The following STK3 variants were observed in gnomAD, a reference collection of about 807,000 sequenced individuals.
The protein encoded by STK3 is serine/threonine kinase 3.
Under a neutral mutation model 58.0 loss-of-function variants are expected in STK3, and 41 were observed. The observed-to-expected ratio is 0.71, with a 90% CI of 0.55 to 0.92. The LOEUF (loss-of-function observed/expected upper bound fraction) is 0.92. STK3 is among the 40% of genes least tolerant of loss of function. The probability of loss-of-function intolerance (pLI) is 0.00; values close to 1 mark genes in which losing one functional copy is unlikely to be tolerated. For synonymous variants in STK3, 170 were observed against 191.0 expected, an observed-to-expected ratio of 0.89 and a Z score of 0.91; for missense variants, 479 against 602.7, an observed-to-expected ratio of 0.79 and a Z score of 2.15.
At chr8:98,678,330 T>C (rs1488042794) in intron 6 of STK3, among the ~76,000 whole-genome samples, 1 of 152,114 alleles carries the variant, frequency 6.6e-6, no homozygotes, top group Non-Finnish European at 1.5e-5. Flanking sequence ...CCATAGAGAA[T>C]TGATATGCTA....
intron 3 of STK3, among the ~76,000 whole-genome samples, chr8:98,751,835 G>A (rs1020910469): frequency 1.4e-4 from 22 of 152,140 alleles, no homozygotes; most frequent in Admixed American, 4.6e-4. Flanking sequence ...AGTTACTTAG[G>A]AGGGTGAGGC....
rs537352805 is a variant in STK3 at position 98,873,982 on chromosome 8, G to A, written c.110+9665C>T. Among the ~76,000 whole-genome samples, 16 of 152,230 alleles carry A rather than the reference G, an allele frequency of 1.1e-4. 1 individual carries two copies. Among genetic ancestry groups the A allele is most frequent in the Admixed American group, 9.8e-4 (15 of 15,268 alleles). The stretch of plus-strand genomic sequence containing the variant: ...GCTTGTTTTTGCAGTGGCTAGTACC[G>A]GTTTTTCCTTTCCATGTTTAGTGCT... On this transcript the variant is annotated intron_variant, in intron 3 of 12. Coordinates refer to the STK3 transcript ENST00000523601.
At chr8:98,543,537 G>A (rs546783306) in intron 9 of STK3, among the ~76,000 whole-genome samples, 1 of 152,298 alleles carries the variant, frequency 6.6e-6, no homozygotes, top group African/African-American at 2.4e-5. Flanking sequence ...CATGAAGGGT[G>A]AAGGAAGAAA....
At chr8:98,358,396 G>C in the STK3 span, among the ~76,000 whole-genome samples, 1 of 152,140 alleles carries the variant, frequency 6.6e-6, no homozygotes, top group Non-Finnish European at 1.5e-5. Context: ...TCCAAAAAAA[G>C]ACACCACAGA....
At chr8:98,693,135 A>T (rs1388868525) in intron 6 of STK3, among the ~76,000 whole-genome samples, 1 of 152,134 alleles carries the variant, frequency 6.6e-6, no homozygotes, top group Non-Finnish European at 1.5e-5. Context: ...AGTGGCTCAC[A>T]CCTGTAATCC....
chr8:98,416,581 G>C (rs1379622749), intron 3 of STK3, among the ~76,000 whole-genome samples: 1 of 152,156 alleles, frequency 6.6e-6, no homozygotes, highest in African/African-American at 2.4e-5. Context: ...CAGGAGAGGA[G>C]GTGCTTCCAG....
At chr8:98,826,139 G>T (rs1835291428), upstream of STK3, among the ~76,000 whole-genome samples, 1 of 152,174 alleles carries the variant, frequency 6.6e-6, no homozygotes, top group Non-Finnish European at 1.5e-5. Context: ...CCAGAGCTCC[G>T]CCCCTAGCCT....
intron 1 of STK3, among the ~76,000 whole-genome samples, chr8:98,383,465 C>T (rs1222859464): frequency 1.3e-5 from 2 of 152,226 alleles, no homozygotes; most frequent in African/African-American, 4.8e-5. Flanking sequence ...GGAGCAGCTG[C>T]TCCAACCTTC....
chr8:98,654,351 T>C (rs1249949671), intron 6 of STK3, among the ~76,000 whole-genome samples: 1 of 152,106 alleles, frequency 6.6e-6, no homozygotes, highest in African/African-American at 2.4e-5. Context: ...ATAAGAGCTA[T>C]CTATGACAAA....
rs182826694 is a variant in STK3, at chr8:98,924,165, C to G, written c.-79+18213G>C. ...CTGAAAATTTTGTGGAGGCTGTTCC[C>G]CGTCCTTGGCAGGCCTCTGCCTTCT... On this transcript the variant is annotated intron_variant, in intron 1 of 1. Transcript: ENST00000519420. Among the ~76,000 whole-genome samples the G allele has an allele frequency of 4.0e-4, 61 of 152,298 alleles. 1 individual carries two copies. The highest frequency in any genetic ancestry group is 1.4e-3 in the African/African-American group (58 of 41,560).
intron 6 of STK3, among the ~76,000 whole-genome samples, chr8:98,689,749 C>A (rs1195282979): frequency 6.6e-6 from 1 of 152,040 alleles, no homozygotes; most frequent in Admixed American, 6.6e-5. Context: ...CACCACTGCA[C>A]CCCAGCCTGG....
chr8:98,461,758 T>C (rs1819995035), intron 10 of STK3, among the ~76,000 whole-genome samples: 1 of 152,194 alleles, frequency 6.6e-6, no homozygotes, highest in Non-Finnish European at 1.5e-5. Flanking sequence ...TTTTGCTGGA[T>C]ACAAAATTCT....
At chr8:98,536,397 A>C (rs1809766892) in intron 9 of STK3, among the ~76,000 whole-genome samples, 1 of 152,040 alleles carries the variant, frequency 6.6e-6, no homozygotes, top group Admixed American at 6.6e-5. Context: ...AAGCTGCAAT[A>C]AGCTATGGGC....
chr8:98,828,881 G>A (rs145964044), upstream of STK3, among the ~76,000 whole-genome samples: 1,313 of 152,358 alleles, frequency 8.6e-3, 12 homozygotes, highest in African/African-American at 0.03. Context: ...ACTATGAGTT[G>A]ATTGAAAGTT....
chr8:98,803,237 A>T (rs1237525742), intron 1 of STK3, among the ~76,000 whole-genome samples: 1 of 152,160 alleles, frequency 6.6e-6, no homozygotes, highest in Admixed American at 6.5e-5. Context: ...CATCTTATAC[A>T]CTGAAAAAAG....
chr8:98,924,019 A>T (rs1014583437), intron 1 of STK3, among the ~76,000 whole-genome samples: 1 of 152,178 alleles, frequency 6.6e-6, no homozygotes, highest in Non-Finnish European at 1.5e-5. Context: ...ATAGCACTAA[A>T]ACCAGTCATT....
chr8:98,914,725 G>A lies in STK3; in HGVS notation c.-79+27653C>T, dbSNP rs1017224703. Among the ~76,000 whole-genome samples, 6 of 152,292 alleles carry A rather than the reference G, an allele frequency of 3.9e-5. No homozygotes were observed. In the East Asian group the frequency reaches 9.6e-4, roughly 24 times the overall value. ...GGTGGAGCCAGCCCCACATGCTTGGGGGCATGTAAGAGCTAAACGTGCTGA... is the reference window on the plus strand; with the variant it reads ...GGTGGAGCCAGCCCCACATGCTTGGAGGCATGTAAGAGCTAAACGTGCTGA... On this transcript the variant is annotated intron_variant, in intron 1 of 1. Coordinates refer to the STK3 transcript ENST00000519420.
intron 10 of STK3, among the ~76,000 whole-genome samples, chr8:98,511,367 T>A (rs1268398596): frequency 1.3e-5 from 2 of 152,016 alleles, no homozygotes; most frequent in East Asian, 1.9e-4. Flanking sequence ...ATAATTTGCA[T>A]CTATTAAGGA....
chr8:98,745,730 A>G (rs1235497945), intron 4 of STK3, among the ~76,000 whole-genome samples: 1 of 152,154 alleles, frequency 6.6e-6, no homozygotes, highest in Non-Finnish European at 1.5e-5. Context: ...AAACCTACCG[A>G]GAAACTGAGA....
Sources: allele counts gnomAD v4.1 joint callset (sites outside exome capture counted in the v4.1 genomes callset), GRCh38; gene constraint gnomAD v4.1.1; transcripts MANE v1.5; gene names NCBI Gene and HGNC (gene_info 2026-07-23, HGNC 2026-07-21).